DCUN1D2: variants seen among roughly 807,000 people sequenced by gnomAD.
The protein encoded by DCUN1D2 is DCN1-like protein 2.
DCUN1D2 carries 29 observed loss-of-function variants against 30.9 expected under a neutral mutation model. The observed-to-expected ratio is 0.94, with a 90% CI of 0.70 to 1.28. DCUN1D2 has a LOEUF of 1.28. Ranked by LOEUF, DCUN1D2 falls within the 50% of genes most tolerant of loss-of-function variation. DCUN1D2 has a pLI of 0.00. For missense variants in DCUN1D2, 325 were observed against 316.9 expected (o/e 1.03, Z -0.19); for synonymous variants, 121 against 115.3 (o/e 1.05, Z -0.32).
At chr13:113,458,998 C>T (rs2044273924) in intron 6 of DCUN1D2, among the ~76,000 whole-genome samples, 1 of 152,156 alleles carries the variant, frequency 6.6e-6, no homozygotes, top group Non-Finnish European at 1.5e-5. Context: ...TGGAACTGAC[C>T]TAAGGCATCA....
intron 4 of DCUN1D2, among the ~76,000 whole-genome samples, chr13:113,467,088 G>A (rs1159104803): frequency 1.3e-5 from 2 of 152,022 alleles, no homozygotes; most frequent in East Asian, 1.9e-4. Flanking sequence ...GATTACAGGC[G>A]TGAGCCACCA....
chr13:113,484,861 T>C (rs971540780), intron 1 of DCUN1D2, among the ~76,000 whole-genome samples: 1 of 152,100 alleles, frequency 6.6e-6, no homozygotes, highest in African/African-American at 2.4e-5. Flanking sequence ...GCGGATCACC[T>C]GAGGTCAGGA....
intron 1 of DCUN1D2, among the ~76,000 whole-genome samples, chr13:113,487,642 C>T (rs1185320848): frequency 6.6e-6 from 1 of 152,168 alleles, no homozygotes; most frequent in Non-Finnish European, 1.5e-5. Flanking sequence ...ATGAAATATC[C>T]AGAATGGGCA....
At chr13:113,473,885 G>T (rs1216972474) in intron 4 of DCUN1D2, among the ~76,000 whole-genome samples, 1 of 152,146 alleles carries the variant, frequency 6.6e-6, no homozygotes, top group Non-Finnish European at 1.5e-5. Context: ...GACGCCTGTA[G>T]TCCCAGCTGC....
Position 113,456,882 on chromosome 13 carries a change from T to C in DCUN1D2, c.*1147A>G, listed in dbSNP as rs1413592813. The C allele has an allele frequency of 6.9e-6, 1 of 145,576 alleles. No individual in the cohort carries two copies. Among genetic ancestry groups the C allele is most frequent in the Non-Finnish European group, 1.5e-5 (1 of 67,138 alleles). 9.0% of individuals were successfully genotyped at this position (145,576 alleles called of 1,614,324 possible). On this transcript the variant is annotated 3_prime_UTR_variant, in exon 7 of 7. Coordinates refer to ENST00000478244, the MANE Select transcript of DCUN1D2 (RefSeq NM_001014283.2). ...AGCTCATTCGGTTTTATTGTATGTA[T>C]GTATGTATTTATTTTGAGACAGAAT... is the stretch of plus-strand genomic sequence containing the variant.
chr13:113,486,650 G>C (rs944461558), intron 1 of DCUN1D2, among the ~76,000 whole-genome samples: 2 of 152,202 alleles, frequency 1.3e-5, no homozygotes, highest in Non-Finnish European at 2.9e-5. Flanking sequence ...TTTGGAATCT[G>C]AGGAGTCACA....
At chr13:113,491,133 A>G (rs14037), upstream of DCUN1D2, 10,187 of 152,620 alleles carry the variant, frequency 0.067, 389 homozygotes, top group Non-Finnish European at 0.078. Flanking sequence ...AAGGGATGCA[A>G]GGAAGCCCTC....
intron 4 of DCUN1D2, chr13:113,468,947 G>GGGACCAGGTAA (rs2044456098): frequency 6.6e-6 from 1 of 152,364 alleles, no homozygotes; most frequent in South Asian, 2.1e-4. Flanking sequence ...CCTACACGCC[G>GGGACCAGGTAA]GGACCAGGTA....
chr13:113,471,960 T>A (rs538725245), intron 4 of DCUN1D2, among the ~76,000 whole-genome samples: 30 of 152,324 alleles, frequency 2.0e-4, no homozygotes, highest in Non-Finnish European at 3.7e-4. Context: ...AGGGGAGGCC[T>A]GGCTGTGTGC....
rs1047480337 is a variant in DCUN1D2, at chr13:113,458,286, G to T, written c.701-178C>A. Among the ~76,000 whole-genome samples, 3 of 152,354 alleles carry T rather than the reference G, an allele frequency of 2.0e-5. No individual in the cohort carries two copies. In the East Asian group the frequency reaches 5.8e-4, roughly 29 times the overall value. The stretch of plus-strand genomic sequence containing the variant: ...TACCCAGTTCTTTCGCCCTAGCACG[G>T]CCAGGTCGGGAGCCCTGGTGTGTGT... On this transcript the variant is annotated intron_variant, in intron 6 of 6. Transcript: ENST00000478244.
intron 3 of DCUN1D2, among the ~76,000 whole-genome samples, chr13:113,478,076 A>C (rs1229400625): frequency 6.6e-6 from 1 of 152,298 alleles, no homozygotes; most frequent in Non-Finnish European, 1.5e-5. Context: ...CAAATTGTGA[A>C]ATCTTTCTTC....
intron 4 of DCUN1D2, among the ~76,000 whole-genome samples, chr13:113,471,907 AG>A (rs1350272755): frequency 2.0e-5 from 3 of 152,144 alleles, no homozygotes; most frequent in African/African-American, 7.2e-5. Flanking sequence ...GGTGATGAGC[AG>A]GGGCTGCTGG....
At chr13:113,475,697 G>C (rs1036637677) in intron 3 of DCUN1D2, among the ~76,000 whole-genome samples, 9 of 152,096 alleles carry the variant, frequency 5.9e-5, no homozygotes, top group Non-Finnish European at 1.0e-4. Flanking sequence ...GACCAGTCTG[G>C]GCAACATAGA....
At chr13:113,470,495 C>A (rs1411030780) in intron 4 of DCUN1D2, among the ~76,000 whole-genome samples, 1 of 152,192 alleles carries the variant, frequency 6.6e-6, no homozygotes, top group South Asian at 2.1e-4. Context: ...GCAACGCACA[C>A]TGCCGAAGAC....
At chr13:113,462,019 G>A (rs1034783703) in intron 4 of DCUN1D2, among the ~76,000 whole-genome samples, 35 of 152,284 alleles carry the variant, frequency 2.3e-4, no homozygotes, top group African/African-American at 7.7e-4. Flanking sequence ...TTGGGAGGCT[G>A]AGGCGGGTGG....
intron 4 of DCUN1D2, among the ~76,000 whole-genome samples, chr13:113,464,227 G>T (rs1260755148): frequency 6.6e-6 from 1 of 152,204 alleles, no homozygotes; most frequent in Admixed American, 6.5e-5. Context: ...TATAGTGAAT[G>T]ATTCTGACAA....
intron 1 of DCUN1D2, among the ~76,000 whole-genome samples, chr13:113,484,490 AT>A (rs1254864172): frequency 6.6e-6 from 1 of 151,976 alleles, no homozygotes; most frequent in Non-Finnish European, 1.5e-5. Context: ...CGGTTTGGAG[AT>A]TTTTTTTCCC....
intron 2 of DCUN1D2, among the ~76,000 whole-genome samples, chr13:113,482,486 A>G (rs562411242): frequency 7.9e-5 from 12 of 152,354 alleles, no homozygotes; most frequent in South Asian, 2.1e-4. Flanking sequence ...AACAATTTTC[A>G]TTCTTTGGGA....
chr13:113,471,881 C>T (rs566600536), intron 4 of DCUN1D2, among the ~76,000 whole-genome samples: 13 of 152,282 alleles, frequency 8.5e-5, no homozygotes, highest in South Asian at 8.3e-4. Context: ...AGCAGAGAGA[C>T]GTCAACAGAA....
Sources: gnomAD v4.1 joint callset for allele counts (sites outside exome capture counted in the v4.1 genomes callset) on GRCh38, gnomAD v4.1.1 for gene constraint, MANE v1.5 for transcripts, NCBI Gene and HGNC (gene_info 2026-07-23, HGNC 2026-07-21) for gene names.